Variants in CAMK1D observed in about 807,000 individuals in gnomAD.
The protein encoded by CAMK1D is calcium/calmodulin-dependent protein kinase type 1D.
CAMK1D carries 9 observed loss-of-function variants against 47.7 expected under a neutral mutation model. The ratio of observed to expected loss-of-function variants is 0.19; its 90% CI spans 0.11 to 0.33. The LOEUF (loss-of-function observed/expected upper bound fraction) is 0.33, where lower values mean the gene tolerates loss of function less well. Ranked by LOEUF, CAMK1D falls within the 10% of genes least tolerant of loss-of-function variation. The probability of loss-of-function intolerance (pLI) is 1.00; values close to 1 mark genes in which losing one functional copy is unlikely to be tolerated. For missense variants in CAMK1D, 291 were observed against 488.7 expected (o/e 0.60, Z 3.81); for synonymous variants, 184 against 184.9 (o/e 0.99, Z 0.04).
chr10:12,452,071 C>A (rs182747172), intron 1 of CAMK1D, among the ~76,000 whole-genome samples: 2 of 152,092 alleles, frequency 1.3e-5, no homozygotes, highest in Non-Finnish European at 2.9e-5. Context: ...AGGAGAGTCT[C>A]GTGGAGCAGG....
intron 2 of CAMK1D, among the ~76,000 whole-genome samples, chr10:12,666,241 A>G (rs778576825): frequency 2.6e-5 from 4 of 151,918 alleles, no homozygotes; most frequent in Non-Finnish European, 5.9e-5. Context: ...CACTGGACCC[A>G]TGGACATGCC....
chr10:12,666,932 C>T (rs912520526), intron 3 of CAMK1D, 122 bp downstream of exon 3: 3 of 764,270 alleles, frequency 3.9e-6, no homozygotes, highest in African/African-American at 3.5e-5. Context: ...GCAGGGAGGC[C>T]TGTGGGATAC....
At chr10:12,540,152 A>G in intron 1 of CAMK1D, among the ~76,000 whole-genome samples, 1 of 148,910 alleles carries the variant, frequency 6.7e-6, no homozygotes, top group Admixed American at 6.7e-5. Context: ...CTGGTCTCCA[A>G]CTCCTGGCCT....
Position 12,722,165 on chromosome 10 carries a change from T to G in CAMK1D, c.300-38783T>G, listed in dbSNP as rs528302729. ...GGTAGACTTTAAGATAACTCCAGGCTGGGCGCGGTGGCTCACGCCTGTAAT... is the reference window on the plus strand; with the variant it reads ...GGTAGACTTTAAGATAACTCCAGGCGGGGCGCGGTGGCTCACGCCTGTAAT... On this transcript the variant is annotated intron_variant, in intron 3 of 10. Transcript: ENST00000619168. Among the ~76,000 whole-genome samples, 38 of 152,016 alleles carry G rather than the reference T, an allele frequency of 2.5e-4. 1 individual carries two copies. Among genetic ancestry groups the G allele is most frequent in the Admixed American group, 2.5e-3 (38 of 15,260 alleles).
In CAMK1D at chr10:12,651,061, C is replaced by T. The variant is rs117268142; in HGVS notation, c.225-15675C>T. Among the ~76,000 whole-genome samples, 1,474 of 152,264 alleles carry T rather than the reference C, an allele frequency of 9.7e-3. 16 individuals are homozygous for T. The highest frequency in any genetic ancestry group is 0.013 in the Non-Finnish European group (903 of 68,018). On this transcript the variant is annotated intron_variant, in intron 2 of 10. Coordinates refer to ENST00000619168, the MANE Select transcript of CAMK1D (RefSeq NM_153498.4). ...GAAACAGGCTTTTGCCGGCTTTTTA[C>T]GATTTACGGCACTTTGCTCCCACCT... is the stretch of plus-strand genomic sequence containing the variant.
In CAMK1D at chr10:12,745,659, A is replaced by G. The variant is rs980171159; in HGVS notation, c.300-15289A>G. 2.7e-5 allele frequency among the ~76,000 whole-genome samples: 4 copies of G among 150,908 alleles called. No individual in the cohort carries two copies. In the East Asian group the frequency reaches 7.8e-4, roughly 30 times the overall value. ...CTCTTGTTGCCCAGGCAGGAGTGCAATGGTGTGATCTCAGCTCACCACAAC... is the reference window on the plus strand; with the variant it reads ...CTCTTGTTGCCCAGGCAGGAGTGCAGTGGTGTGATCTCAGCTCACCACAAC... On this transcript the variant is annotated intron_variant, in intron 3 of 10. Transcript: ENST00000619168.
chr10:12,517,359 TTGC>T (rs1291741728), intron 1 of CAMK1D, among the ~76,000 whole-genome samples: 1 of 152,192 alleles, frequency 6.6e-6, no homozygotes, highest in African/African-American at 2.4e-5. Context: ...TCTGTATGCC[TTGC>T]TTTATTGTCC....
intron 5 of CAMK1D, among the ~76,000 whole-genome samples, chr10:12,777,109 G>A (rs568005442): frequency 3.9e-5 from 6 of 152,240 alleles, no homozygotes; most frequent in African/African-American, 7.2e-5. Context: ...TTTTAAAGCC[G>A]TGAACCGGGA....
intron 3 of CAMK1D, among the ~76,000 whole-genome samples, chr10:12,685,940 C>T (rs2130639703): frequency 6.6e-6 from 1 of 152,274 alleles, no homozygotes; most frequent in Middle Eastern, 3.4e-3. Flanking sequence ...TTACTTTGTT[C>T]CAGCACTTCC....
intron 3 of CAMK1D, among the ~76,000 whole-genome samples, chr10:12,733,270 G>C (rs1834977512): frequency 6.6e-6 from 1 of 152,240 alleles, no homozygotes. Context: ...TCTAACAGCT[G>C]AGAGAGACCA....
chr10:12,600,300 C>T (rs1284724841), intron 2 of CAMK1D, among the ~76,000 whole-genome samples: 1 of 152,176 alleles, frequency 6.6e-6, no homozygotes, highest in Non-Finnish European at 1.5e-5. Flanking sequence ...TTTGAGACCT[C>T]CTCAACTCAA....
intron 2 of CAMK1D, among the ~76,000 whole-genome samples, chr10:12,604,474 C>T (rs1030788907): frequency 6.6e-6 from 1 of 152,200 alleles, no homozygotes; most frequent in African/African-American, 2.4e-5. Context: ...GAACTTTTGC[C>T]TCACCCGAGA....
chr10:12,655,806 T>G (rs557443422), intron 2 of CAMK1D, among the ~76,000 whole-genome samples: 1 of 152,362 alleles, frequency 6.6e-6, no homozygotes, highest in South Asian at 2.1e-4. Flanking sequence ...AGTGGGTCTT[T>G]TCTGTGTAAA....
At chr10:12,685,980 C>T (rs1246343507) in intron 3 of CAMK1D, among the ~76,000 whole-genome samples, 1 of 152,158 alleles carries the variant, frequency 6.6e-6, no homozygotes, top group African/African-American at 2.4e-5. Flanking sequence ...TGCTATGGCC[C>T]AGAGAGCTGA....
intron 6 of CAMK1D, among the ~76,000 whole-genome samples, chr10:12,806,050 A>C (rs1564575829): frequency 6.6e-6 from 1 of 152,214 alleles, no homozygotes; most frequent in Non-Finnish European, 1.5e-5. Flanking sequence ...AGACCTGTGC[A>C]CGGGGCTTTG....
At chr10:12,390,752 G>A (rs1005719700) in intron 1 of CAMK1D, among the ~76,000 whole-genome samples, 3 of 152,184 alleles carry the variant, frequency 2.0e-5, no homozygotes, top group Admixed American at 1.3e-4. Flanking sequence ...GGAAAGGGGA[G>A]CCCAGAAGGG....
At chr10:12,757,026 A>G (rs909268920) in intron 3 of CAMK1D, among the ~76,000 whole-genome samples, 7 of 152,196 alleles carry the variant, frequency 4.6e-5, no homozygotes, top group Non-Finnish European at 7.3e-5. Context: ...ATTTTTGACT[A>G]TCTCTTCTGT....
chr10:12,758,665 T>TTA (rs1298104451), intron 3 of CAMK1D, among the ~76,000 whole-genome samples: 1 of 152,206 alleles, frequency 6.6e-6, no homozygotes, highest in Non-Finnish European at 1.5e-5. Context: ...CGTCCATACC[T>TTA]TATATATCAC....
intron 3 of CAMK1D, among the ~76,000 whole-genome samples, chr10:12,716,746 A>C: frequency 6.6e-6 from 1 of 151,968 alleles, no homozygotes; most frequent in East Asian, 1.9e-4. Context: ...AATTTTTTTT[A>C]ACTATATTTC....
Sources: gnomAD v4.1 joint callset for allele counts (sites outside exome capture counted in the v4.1 genomes callset) on GRCh38, gnomAD v4.1.1 for gene constraint, MANE v1.5 for transcripts, NCBI Gene and HGNC (gene_info 2026-07-23, HGNC 2026-07-21) for gene names.